The following OLR1 variants were observed in gnomAD, a reference collection of about 807,000 sequenced individuals.
The protein encoded by OLR1 is oxidized low-density lipoprotein receptor 1.
A neutral mutation model predicts 31.7 loss-of-function variants in OLR1; 23 were observed. That is an observed-to-expected ratio of 0.72 (90% confidence interval 0.52 to 1.03). The LOEUF is 1.03. OLR1 is among the 50% of genes least tolerant of loss of function. OLR1 has a pLI of 0.00. For missense variants in OLR1, 286 were observed against 315.7 expected, an observed-to-expected ratio of 0.91 and a Z score of 0.71; for synonymous variants, 117 against 115.8, an observed-to-expected ratio of 1.01 and a Z score of -0.07.
upstream of OLR1, among the ~76,000 whole-genome samples, chr12:10,173,134 G>A (rs752901571): frequency 2.0e-5 from 3 of 152,232 alleles, no homozygotes; most frequent in East Asian, 3.9e-4. Flanking sequence ...TCACAAAGAC[G>A]CTTACATGAG....
upstream of OLR1, among the ~76,000 whole-genome samples, chr12:10,174,209 C>T (rs959196444): frequency 2.0e-5 from 3 of 151,966 alleles, no homozygotes; most frequent in Non-Finnish European, 4.4e-5. Flanking sequence ...TACAGGTGCC[C>T]GCCACCCCTC....
chr12:10,171,795 G>A (rs1010948398), intron 1 of OLR1, among the ~76,000 whole-genome samples: 1 of 152,186 alleles, frequency 6.6e-6, no homozygotes, highest in Non-Finnish European at 1.5e-5. Flanking sequence ...AGAATAACCT[G>A]TAGTAAATAC....
At chr12:10,162,715 C>A (rs931162131) in intron 3 of OLR1, among the ~76,000 whole-genome samples, 11 of 152,086 alleles carry the variant, frequency 7.2e-5, no homozygotes, top group African/African-American at 2.7e-4. Context: ...GTAGTCTCAG[C>A]TACTTAGGAG....
chr12:10,173,763 T>TAAAAAAAAAA (rs5796383), upstream of OLR1, among the ~76,000 whole-genome samples: 1 of 130,330 alleles, frequency 7.7e-6, no homozygotes, highest in African/African-American at 2.9e-5. Context: ...AGACTCCCTT[T>TAAAAAAAAAA]AAAAAAAAAA....
upstream of OLR1, chr12:10,172,371 G>A: frequency 3.8e-6 from 1 of 261,214 alleles, no homozygotes; most frequent in South Asian, 6.8e-5. Context: ...TCAGAGGAGA[G>A]ATATTGTACC....
In OLR1 at chr12:10,169,106, A is replaced by G. The variant is rs769549605; in HGVS notation, c.146T>C (p.Leu49Ser). The change falls in exon 2 of 6, where the codon TTA becomes TCA. Residue 49 changes from leucine (L) to serine (S), a missense_variant. Coordinates refer to ENST00000309539, the MANE Select transcript of OLR1 (RefSeq NM_002543.4). Reference protein sequence around the residue: ...AATLGVLCLGLVVTIMVLGMQ... With the variant: ...AATLGVLCLGSVVTIMVLGMQ... ...GCCCAGCACCATAATGGTCACTACT[A>G]ATCCCAGGCAAAGGACCCCTAGAGT... 11 of 1,613,816 alleles carry G rather than the reference A, an allele frequency of 6.8e-6. No individual in the cohort carries two copies. In the African/African-American group the frequency reaches 1.2e-4, roughly 18 times the overall value.
upstream of OLR1, among the ~76,000 whole-genome samples, chr12:10,175,735 T>C (rs1360217173): frequency 2.6e-5 from 4 of 152,346 alleles, no homozygotes; most frequent in East Asian, 7.7e-4. Context: ...ATGAAACTTC[T>C]TCTGCTATAT....
In OLR1 at chr12:10,159,577, C is replaced by CT. The variant is rs1241390733; in HGVS notation, c.*302dup. 9.1e-6 allele frequency: 2 copies of CT among 219,780 alleles called. No individual in the cohort carries two copies. The highest frequency in any genetic ancestry group is 1.9e-5 in the Non-Finnish European group (2 of 107,038). The allele number at this position is 219,780 out of a possible 1,614,324, so 13.6% of individuals were successfully genotyped here. A position where few individuals can be genotyped will look rare whatever the true frequency, so the allele number is the denominator to read the frequency against. On this transcript the variant is annotated 3_prime_UTR_variant, in exon 6 of 6. Transcript: ENST00000309539. ...GAAGGTGATAATGAGGTAAAGAAGACTGAGTTCAGAGGGTTTTCAAGCTTG... is the reference window on the plus strand; with the variant it reads ...GAAGGTGATAATGAGGTAAAGAAGACTTGAGTTCAGAGGGTTTTCAAGCTTG...
chr12:10,174,455 T>C (rs1012078078), upstream of OLR1, among the ~76,000 whole-genome samples: 6 of 152,130 alleles, frequency 3.9e-5, no homozygotes, highest in African/African-American at 1.4e-4. Context: ...TAGATTTCGC[T>C]GCATAATGTA....
At position 10,166,698 on chromosome 12, in the gene OLR1, C is replaced by G. The variant is rs759993952; in HGVS notation, c.424+14G>C. The G allele has an allele frequency of 2.5e-6, 4 of 1,613,586 alleles. No homozygotes were observed. The highest frequency in any genetic ancestry group is 2.7e-5 in the African/African-American group (2 of 74,848). On this transcript the variant is annotated intron_variant, in intron 3 of 5. Transcript: ENST00000309539. ...GCTTCCACTATGTCTCCTTACCCAC[C>G]CTTCTCCCAATACCTGAACAATTTG...
At chr12:10,163,791 C>T (rs991456789) in intron 3 of OLR1, among the ~76,000 whole-genome samples, 23 of 151,898 alleles carry the variant, frequency 1.5e-4, no homozygotes, top group Admixed American at 4.6e-4. Context: ...ATTAGCTGGG[C>T]GTGGTGGCAG....
At chr12:10,160,498 A>G (rs775355229) in intron 4 of OLR1, 36 bp from the exon 5 acceptor site, 1 of 1,504,590 alleles carries the variant, frequency 6.6e-7, no homozygotes, top group South Asian at 1.1e-5. Flanking sequence ...TGTGGAATCC[A>G]CATGGTGGTT....
rs1247827991 is a variant in OLR1 at position 10,172,045 on chromosome 12, C to T, written c.33G>A (p.Val11=). The T allele has an allele frequency of 6.2e-7, 1 of 1,613,756 alleles. No homozygotes were observed. The highest frequency in any genetic ancestry group is 1.1e-5 in the South Asian group (1 of 91,072). MTFDDLKIQT[V]KDQPDEKSNG... is the part of the protein sequence containing the mutation. ...TTGACTTCTCATCAGGCTGGTCCTT[C>T]ACAGTCTGGATCTTTAGGTCATCAA... The change falls in exon 1 of 6, where the codon GTG becomes GTA. Residue 11 remains valine, a synonymous_variant. Transcript: ENST00000309539.
intron 2 of OLR1, among the ~76,000 whole-genome samples, 166 bp downstream of exon 2, chr12:10,168,908 T>C (rs1358981054): frequency 6.6e-6 from 1 of 152,214 alleles, no homozygotes; most frequent in Non-Finnish European, 1.5e-5. Context: ...AGATGAACAA[T>C]ATACCCCTTT....
At chr12:10,161,804 T>A (rs1948622106) in intron 3 of OLR1, among the ~76,000 whole-genome samples, 1 of 152,048 alleles carries the variant, frequency 6.6e-6, no homozygotes, top group Admixed American at 6.6e-5. Flanking sequence ...CCATTAAAAA[T>A]TTTTATACTG....
At chr12:10,173,337 G>A (rs945203098), upstream of OLR1, among the ~76,000 whole-genome samples, 2 of 151,830 alleles carry the variant, frequency 1.3e-5, no homozygotes, top group Admixed American at 6.6e-5. Flanking sequence ...AATACACAAA[G>A]GAAGAATGGA....
At chr12:10,164,688 C>A (rs188905192) in intron 3 of OLR1, among the ~76,000 whole-genome samples, 64 of 152,254 alleles carry the variant, frequency 4.2e-4, no homozygotes, top group African/African-American at 1.4e-3. Context: ...CTCTCTCACA[C>A]CTTTTAACTC....
chr12:10,173,549 G>T (rs553517050), upstream of OLR1, among the ~76,000 whole-genome samples: 8 of 61,942 alleles, frequency 1.3e-4, no homozygotes, highest in Non-Finnish European at 2.0e-4. Context: ...GGAAGCTGAG[G>T]GGGGGGGTGG....
chr12:10,170,404 C>T (rs1177492800), intron 1 of OLR1: 1 of 151,836 alleles, frequency 6.6e-6, no homozygotes, highest in African/African-American at 2.4e-5. Flanking sequence ...ATTCTAGCCT[C>T]AGGGGCAAAT....
Sources: allele counts gnomAD v4.1 joint callset (sites outside exome capture counted in the v4.1 genomes callset), GRCh38; gene constraint gnomAD v4.1.1; transcripts MANE v1.5; gene names NCBI Gene and HGNC (gene_info 2026-07-23, HGNC 2026-07-21).